AP1M1: variants seen among roughly 807,000 people sequenced by gnomAD.
AP1M1 encodes the protein adaptor related protein complex 1 subunit mu 1.
Under a neutral mutation model 57.1 loss-of-function variants are expected in AP1M1, and 18 were observed. The ratio of observed to expected loss-of-function variants is 0.32; its 90% CI spans 0.22 to 0.47. The LOEUF (loss-of-function observed/expected upper bound fraction) is 0.47. AP1M1 is among the 20% of genes least tolerant of loss of function. The pLI is 1.00. For missense variants in AP1M1, 362 were observed against 593.5 expected, an observed-to-expected ratio of 0.61 and a Z score of 4.05; for synonymous variants, 241 against 237.9, an observed-to-expected ratio of 1.01 and a Z score of -0.12.
chr19:16,218,624 G>A (rs1405245569), intron 5 of AP1M1, among the ~76,000 whole-genome samples: 1 of 152,218 alleles, frequency 6.6e-6, no homozygotes, highest in South Asian at 2.1e-4. Flanking sequence ...GCACCTGTCT[G>A]CACAGTGTCC....
chr19:16,209,120 C>G lies in AP1M1; in HGVS notation c.489C>G (p.Gly163=), dbSNP rs1268076076. Residue 163 remains glycine, a synonymous_variant, in exon 5 of 12, where the codon GGC becomes GGG. Coordinates refer to ENST00000291439, the MANE Select transcript of AP1M1 (RefSeq NM_032493.4). The part of the protein sequence containing the change: ...VTNAVSWRSE[G]IKYRKNEVFL... ...ACGCGGTGTCCTGGCGGTCCGAAGG[C>G]ATCAAGTATCGGAAGAATGAGGTGT... 1 of 1,614,138 alleles carries G rather than the reference C, an allele frequency of 6.2e-7. No homozygotes were observed. Among genetic ancestry groups the G allele is most frequent in the African/African-American group, 1.3e-5 (1 of 74,942 alleles).
At chr19:16,220,194 C>G (rs761308379) in intron 5 of AP1M1, among the ~76,000 whole-genome samples, 3 of 152,086 alleles carry the variant, frequency 2.0e-5, no homozygotes, top group Non-Finnish European at 4.4e-5. Flanking sequence ...ATGCTTTTAA[C>G]TATTAATTTC....
chr19:16,200,666 C>G (rs997835600), intron 1 of AP1M1, among the ~76,000 whole-genome samples: 1 of 152,206 alleles, frequency 6.6e-6, no homozygotes, highest in African/African-American at 2.4e-5. Context: ...TCACCGAGGA[C>G]ACCAGCGTGG....
At chr19:16,230,926 C>T (rs956748324) in intron 9 of AP1M1, among the ~76,000 whole-genome samples, 2 of 152,060 alleles carry the variant, frequency 1.3e-5, no homozygotes, top group Non-Finnish European at 2.9e-5. Context: ...TTGATGACAA[C>T]CACAGAGACA....
intron 5 of AP1M1, among the ~76,000 whole-genome samples, chr19:16,210,590 G>A (rs2091489369): frequency 1.3e-5 from 2 of 152,150 alleles, no homozygotes; most frequent in South Asian, 2.1e-4. Context: ...ACACAGTCTC[G>A]CTCTTGTCGC....
At chr19:16,208,706 G>A (rs1030127353) in intron 4 of AP1M1, 4 of 246,818 alleles carry the variant, frequency 1.6e-5, no homozygotes, top group Non-Finnish European at 2.4e-5. Flanking sequence ...TTCCATCCAC[G>A]TGCTCAGCAG....
At position 16,203,674 on chromosome 19, in the gene AP1M1, A is replaced by G. The variant is rs2091458352; in HGVS notation, c.199+59A>G. ...CCTGTGTGGGTGTTGGTGTGTGTGC[A>G]TATCCACACGCCTGCAAGCAGGGCT... On this transcript the variant is annotated intron_variant, in intron 2 of 11. Coordinates refer to ENST00000291439, the MANE Select transcript of AP1M1 (RefSeq NM_032493.4). This position sits in a 1 kb window ranked among gnomAD's most constrained non-coding sequence, Gnocchi z 4.6. 10 of 1,524,524 alleles carry G rather than the reference A, an allele frequency of 6.6e-6. No individual in the cohort carries two copies. Among genetic ancestry groups the G allele is most frequent in the Middle Eastern group, 1.8e-4 (1 of 5,676 alleles). 94.4% of individuals were successfully genotyped at this position (1,524,524 alleles called of 1,614,324 possible). A position where few individuals can be genotyped will look rare whatever the true frequency, so the allele number is the denominator to read the frequency against.
chr19:16,226,941 CT>C (rs1174817798), intron 6 of AP1M1, among the ~76,000 whole-genome samples: 1 of 152,194 alleles, frequency 6.6e-6, no homozygotes, highest in Non-Finnish European at 1.5e-5. Flanking sequence ...CTCCCGCCGC[CT>C]GGCCTCTAAC....
At chr19:16,222,529 G>A (rs2145132404) in intron 5 of AP1M1, among the ~76,000 whole-genome samples, 1 of 152,184 alleles carries the variant, frequency 6.6e-6, no homozygotes, top group East Asian at 1.9e-4. Flanking sequence ...CTGCTATTAA[G>A]TCCATTGAGC....
At chr19:16,222,162 T>A (rs2091547221) in intron 5 of AP1M1, among the ~76,000 whole-genome samples, 1 of 151,460 alleles carries the variant, frequency 6.6e-6, no homozygotes, top group Non-Finnish European at 1.5e-5. Context: ...TTTGGCCCTT[T>A]CCTGTTTATC....
chr19:16,220,686 C>T (rs987395450), intron 5 of AP1M1, among the ~76,000 whole-genome samples: 2 of 152,180 alleles, frequency 1.3e-5, no homozygotes, highest in Non-Finnish European at 2.9e-5. Flanking sequence ...CCACTGCGCC[C>T]AGCCCTAAAA....
chr19:16,198,468 G>A (rs2091433804), intron 1 of AP1M1, among the ~76,000 whole-genome samples: 1 of 152,144 alleles, frequency 6.6e-6, no homozygotes, highest in African/African-American at 2.4e-5. Context: ...GGCGGGGACT[G>A]GGTGCTCTCG....
chr19:16,199,030 A>C (rs953300879), intron 1 of AP1M1, among the ~76,000 whole-genome samples: 11 of 151,886 alleles, frequency 7.2e-5, no homozygotes, highest in African/African-American at 2.7e-4. Flanking sequence ...CTGGTCTCGA[A>C]CTCTTGACCT....
chr19:16,202,165 C>G (rs140465302), intron 1 of AP1M1, among the ~76,000 whole-genome samples: 344 of 152,324 alleles, frequency 2.3e-3, no homozygotes, highest in African/African-American at 8.0e-3. Flanking sequence ...GCACCACCCC[C>G]AGTCTCGCCT....
At chr19:16,221,336 T>C (rs1267860412) in intron 5 of AP1M1, among the ~76,000 whole-genome samples, 1 of 152,232 alleles carries the variant, frequency 6.6e-6, no homozygotes, top group Admixed American at 6.5e-5. Context: ...CAAATTTACT[T>C]TCTGCAGAAA....
intron 5 of AP1M1, chr19:16,210,405 T>C (rs913733621): frequency 1.4e-6 from 1 of 718,140 alleles, no homozygotes; most frequent in African/African-American, 1.7e-5. Context: ...GGTAAGTGTA[T>C]GTTTACCTTT....
chr19:16,207,810 GGC>G lies in AP1M1; in HGVS notation c.268-208_268-207del, dbSNP rs2091475503. 6.6e-6 allele frequency among the ~76,000 whole-genome samples: 1 copy of G among 152,130 alleles called. No homozygotes were observed. Among genetic ancestry groups the G allele is most frequent in the Non-Finnish European group, 1.5e-5 (1 of 68,020 alleles). On this transcript the variant is annotated intron_variant, in intron 3 of 11. Transcript: ENST00000291439. This position sits in a 1 kb window ranked among gnomAD's most constrained non-coding sequence, Gnocchi z 4.2. ...CTGAAGGCCTCGGGACATCTGCAGT[GGC>G]TCCAGCCTGGCCCCACCCCACAGCC...
chr19:16,198,424 G>A (rs925059179), intron 1 of AP1M1: 26 of 169,358 alleles, frequency 1.5e-4, no homozygotes, highest in Admixed American at 1.1e-3. Context: ...GCGTCCAGGG[G>A]CTGCGCGACC....
intron 5 of AP1M1, among the ~76,000 whole-genome samples, chr19:16,215,676 G>A (rs2091516509): frequency 6.6e-6 from 1 of 151,778 alleles, no homozygotes; most frequent in African/African-American, 2.4e-5. Context: ...TATTTTGCAG[G>A]GGTTCTCTGC....
Sources: allele counts gnomAD v4.1 joint callset (sites outside exome capture counted in the v4.1 genomes callset), GRCh38; gene constraint gnomAD v4.1.1; non-coding constraint Gnocchi (gnomAD v3.1); transcripts MANE v1.5; gene names NCBI Gene and HGNC (gene_info 2026-07-23, HGNC 2026-07-21).